The following IPO8 variants were observed in gnomAD, a reference collection of about 807,000 sequenced individuals.
IPO8 encodes importin-8.
In IPO8, 65 loss-of-function variants were observed where a neutral mutation model predicts 141.2. That is an observed-to-expected ratio of 0.46 (90% confidence interval 0.38 to 0.57). The LOEUF (loss-of-function observed/expected upper bound fraction) is 0.57, where lower values mean the gene tolerates loss of function less well. Among genes scored for constraint, IPO8 ranks in the 20% least tolerant of loss-of-function variants. The probability of loss-of-function intolerance (pLI) is 0.00; values close to 1 mark genes in which losing one functional copy is unlikely to be tolerated. For missense variants in IPO8, 980 were observed against 1,246.8 expected (o/e 0.79, Z 3.22); for synonymous variants, 411 against 420.3 (o/e 0.98, Z 0.27).
chr12:30,637,804 T>G (rs1279950349), intron 21 of IPO8, among the ~76,000 whole-genome samples: 1 of 152,208 alleles, frequency 6.6e-6, no homozygotes, highest in Non-Finnish European at 1.5e-5. Flanking sequence ...ATGCTTCCTC[T>G]AAGTTGCTTA....
chr12:30,660,708 C>A (rs1325306130), intron 16 of IPO8, among the ~76,000 whole-genome samples: 1 of 152,040 alleles, frequency 6.6e-6, no homozygotes, highest in African/African-American at 2.4e-5. Flanking sequence ...TTTTACAGTA[C>A]TTGTTATATC....
rs1416258627 is a variant in IPO8, at chr12:30,681,690, A to G, written c.451T>C (p.Leu151=). The change falls in exon 4 of 25, where the codon TTA becomes CTA. Residue 151 remains leucine (L), a synonymous_variant. Coordinates refer to ENST00000256079, the MANE Select transcript of IPO8 (RefSeq NM_006390.4). ...QSSASWLGSL[L]CLYQLVKTYE... ...GTCTTCACCAGTTGATACAGGCATA[A>G]TAAACTGCCAAGCCAGCTTGCACTG... is the stretch of plus-strand genomic sequence containing the variant. 1.2e-6 allele frequency: 2 copies of G among 1,613,830 alleles called. No homozygotes were observed. Among genetic ancestry groups the G allele is most frequent in the East Asian group, 2.2e-5 (1 of 44,874 alleles).
At chr12:30,651,791 A>C (rs550884860) in intron 19 of IPO8, among the ~76,000 whole-genome samples, 2 of 152,118 alleles carry the variant, frequency 1.3e-5, no homozygotes, top group South Asian at 4.1e-4. Flanking sequence ...CAACTATTAA[A>C]ATTTTTATCT....
intron 9 of IPO8, among the ~76,000 whole-genome samples, chr12:30,669,805 A>C (rs1301469899): frequency 1.3e-5 from 2 of 151,948 alleles, no homozygotes; most frequent in African/African-American, 4.8e-5. Context: ...TTCTATTCCC[A>C]AAAAAACTAA....
At chr12:30,666,119 ATCAAC>A in intron 11 of IPO8, 51 bp downstream of exon 11, 2 of 1,064,418 alleles carry the variant, frequency 1.9e-6, no homozygotes, top group Non-Finnish European at 2.8e-6. Context: ...ATACTAGAGT[ATCAAC>A]TCAACACAGG....
chr12:30,695,255 A>T lies in IPO8; in HGVS notation c.84+309T>A, dbSNP rs1030383201. The T allele has an allele frequency of 6.5e-5, 34 of 523,036 alleles. No individual in the cohort carries two copies. Among genetic ancestry groups the T allele is most frequent in the Non-Finnish European group, 9.0e-5 (26 of 288,660 alleles). The allele number at this position is 523,036 out of a possible 1,614,324, so 32.4% of individuals were successfully genotyped here. On this transcript the variant is annotated intron_variant, in intron 1 of 24. Transcript: ENST00000256079. This position sits in a 1 kb window ranked among gnomAD's most constrained non-coding sequence, Gnocchi z 4.2. ...CTTAAGGAAAATAAATCACACCCTG[A>T]AAACACTAGCACAGGTTGCAAAAAC... is the stretch of plus-strand genomic sequence containing the variant.
chr12:30,661,253 C>T lies in IPO8; in HGVS notation c.1769G>A (p.Gly590Asp). 1 of 1,590,956 alleles carries T rather than the reference C, an allele frequency of 6.3e-7. No individual in the cohort carries two copies. Among genetic ancestry groups the T allele is most frequent in the Non-Finnish European group, 8.5e-7 (1 of 1,170,456 alleles). The change falls in exon 16 of 25, where the codon GGC becomes GAC. Residue 590 changes from glycine (G) to aspartate (D), a missense_variant. Around this residue, in one of 3 missense-constraint regions of IPO8, gnomAD observed 924 missense variants for 1,153.9 expected, o/e 0.80. Coordinates refer to ENST00000256079, the MANE Select transcript of IPO8 (RefSeq NM_006390.4). The part of the protein sequence containing the change: ...DMTQHLAEIF[G>D]KVLQSDEYEE... ...ATATTCATCACTTTGAAGAACTTTG[C>T]CAAATATCTCAGCCTATGAAAATAA...
chr12:30,630,496 C>T lies in IPO8; in HGVS notation c.*364G>A, dbSNP rs2052416080. 4.9e-6 allele frequency: 1 copy of T among 204,766 alleles called. No individual in the cohort carries two copies. 12.7% of individuals were successfully genotyped at this position (204,766 alleles called of 1,614,324 possible). A position where few individuals can be genotyped will look rare whatever the true frequency, so the allele number is the denominator to read the frequency against. ...TTTTTTTCTGATAATTCATGTACAA[C>T]AGAAGGCACTGTTATCCGCATAAAT... On this transcript the variant is annotated 3_prime_UTR_variant, in exon 25 of 25. Transcript: ENST00000256079.
At chr12:30,665,984 T>C (rs2052959104) in intron 11 of IPO8, 139 bp from the exon 12 acceptor site, 1 of 672,734 alleles carries the variant, frequency 1.5e-6, no homozygotes, top group African/African-American at 1.8e-5. Flanking sequence ...ATAAGAAAAG[T>C]ATAATTTATT....
chr12:30,670,915 T>A, intron 9 of IPO8, 47 bp downstream of exon 9: 1 of 1,545,718 alleles, frequency 6.5e-7, no homozygotes, highest in Non-Finnish European at 8.8e-7. Flanking sequence ...CTAGAAAACC[T>A]AATTTAACCA....
At chr12:30,652,533 C>T (rs2052742513) in intron 18 of IPO8, among the ~76,000 whole-genome samples, 2 of 152,034 alleles carry the variant, frequency 1.3e-5, no homozygotes, top group African/African-American at 2.4e-5. Flanking sequence ...CTCCACTGCA[C>T]ACTCATCCCT....
chr12:30,651,983 T>TA (rs1289543422), intron 19 of IPO8, among the ~76,000 whole-genome samples: 1 of 152,014 alleles, frequency 6.6e-6, no homozygotes, highest in Admixed American at 6.6e-5. Context: ...AAAGTACAGA[T>TA]ATAGAAGTGG....
chr12:30,667,833 A>G (rs1436110328), intron 10 of IPO8, among the ~76,000 whole-genome samples: 3 of 152,254 alleles, frequency 2.0e-5, no homozygotes, highest in Non-Finnish European at 4.4e-5. Flanking sequence ...TGAAAGCTAA[A>G]CAAATACTCT....
At chr12:30,656,286 C>T (rs1792923005) in intron 17 of IPO8, among the ~76,000 whole-genome samples, 1 of 152,176 alleles carries the variant, frequency 6.6e-6, no homozygotes, top group African/African-American at 2.4e-5. Flanking sequence ...AATTCACCCA[C>T]CTCAGCCTCC....
At chr12:30,657,441 C>T (rs2052815742) in intron 16 of IPO8, among the ~76,000 whole-genome samples, 1 of 152,108 alleles carries the variant, frequency 6.6e-6, no homozygotes, top group South Asian at 2.1e-4. Context: ...ATATTGATTT[C>T]TGGAGTGTAA....
intron 20 of IPO8, among the ~76,000 whole-genome samples, chr12:30,644,639 T>TG (rs2052617035): frequency 1.1e-5 from 1 of 92,584 alleles, no homozygotes; most frequent in African/African-American, 5.9e-5. Context: ...TGCTTTTTGG[T>TG]GTTTTTTTTT....
chr12:30,658,732 T>C (rs2052835792), intron 16 of IPO8, among the ~76,000 whole-genome samples: 1 of 152,132 alleles, frequency 6.6e-6, no homozygotes, highest in Non-Finnish European at 1.5e-5. Context: ...TTAAATTTAC[T>C]TGTAATTTAA....
At chr12:30,650,730 C>G (rs961285205) in intron 19 of IPO8, among the ~76,000 whole-genome samples, 3 of 151,886 alleles carry the variant, frequency 2.0e-5, no homozygotes, top group African/African-American at 7.3e-5. Context: ...TTTTGGTTTG[C>G]CAAAAGGAAA....
intron 2 of IPO8, among the ~76,000 whole-genome samples, chr12:30,687,744 C>T (rs143113328): frequency 6.6e-6 from 1 of 152,078 alleles, no homozygotes; most frequent in Non-Finnish European, 1.5e-5. Context: ...TGATCAGAGG[C>T]ATCTTTCTGT....
Sources: allele counts gnomAD v4.1 joint callset (sites outside exome capture counted in the v4.1 genomes callset), GRCh38; gene constraint gnomAD v4.1.1; regional missense constraint gnomAD v4.1.1; non-coding constraint Gnocchi (gnomAD v3.1); transcripts MANE v1.5; gene names NCBI Gene and HGNC (gene_info 2026-07-23, HGNC 2026-07-21).